The following SNTG2 variants were observed in gnomAD, a reference collection of about 807,000 sequenced individuals.
SNTG2 encodes gamma-2-syntrophin.
A neutral mutation model predicts 70.9 loss-of-function variants in SNTG2; 74 were observed. The ratio of observed to expected loss-of-function variants is 1.04; its 90% confidence interval spans 0.86 to 1.27. The LOEUF (loss-of-function observed/expected upper bound fraction) is 1.27, where lower values mean the gene tolerates loss of function less well. Ranked by LOEUF, SNTG2 falls within the 50% of genes most tolerant of loss-of-function variation. The pLI, the probability that SNTG2 is intolerant of heterozygous loss-of-function variation, is 0.00. For missense variants in SNTG2, 717 were observed against 690.7 expected (o/e 1.04, Z -0.43); for synonymous variants, 278 against 273.8 (o/e 1.02, Z -0.15).
At chr2:1,235,165 G>A (rs1426266493) in intron 9 of SNTG2, among the ~76,000 whole-genome samples, 7 of 150,836 alleles carry the variant, frequency 4.6e-5, no homozygotes, top group Admixed American at 1.3e-4. Context: ...ATTCATGAGA[G>A]GGGGCGCCCC....
chr2:1,273,496 G>A (rs1214616681), intron 14 of SNTG2, among the ~76,000 whole-genome samples: 5 of 152,140 alleles, frequency 3.3e-5, no homozygotes, highest in South Asian at 4.2e-4. Flanking sequence ...GACAAGCACA[G>A]CCAAAAAGAG....
chr2:1,011,397 CTAAATAAATATG>C (rs1659724958), intron 1 of SNTG2, among the ~76,000 whole-genome samples: 1 of 152,170 alleles, frequency 6.6e-6, no homozygotes, highest in Non-Finnish European at 1.5e-5. Flanking sequence ...AAAAATCCCA[CTAAATAAATATG>C]ATAACACCAT....
intron 4 of SNTG2, among the ~76,000 whole-genome samples, chr2:1,129,279 C>T (rs769822942): frequency 5.2e-4 from 79 of 152,344 alleles, no homozygotes; most frequent in Middle Eastern, 3.4e-3. Context: ...TAGAAAGTCA[C>T]TGGCCTTTAC....
intron 14 of SNTG2, among the ~76,000 whole-genome samples, chr2:1,307,001 C>T (rs1251653168): frequency 1.3e-5 from 2 of 149,976 alleles, no homozygotes; most frequent in Non-Finnish European, 3.0e-5. Context: ...GAGAGTCATG[C>T]ACTGTGTGTG....
chr2:981,392 G>A (rs1056630640), intron 1 of SNTG2, among the ~76,000 whole-genome samples: 7 of 151,788 alleles, frequency 4.6e-5, no homozygotes, highest in African/African-American at 1.5e-4. Flanking sequence ...GTATACAAAC[G>A]CATGCATGTG....
chr2:1,346,735 G>A (rs932973463), intron 16 of SNTG2, among the ~76,000 whole-genome samples: 1 of 152,176 alleles, frequency 6.6e-6, no homozygotes, highest in Non-Finnish European at 1.5e-5. Context: ...TACATTTCAG[G>A]CTGACAGAAT....
At chr2:1,243,635 G>A (rs183912756) in intron 11 of SNTG2, among the ~76,000 whole-genome samples, 6 of 152,178 alleles carry the variant, frequency 3.9e-5, no homozygotes, top group East Asian at 3.9e-4. Context: ...TGAGTGTTAC[G>A]GCCGTTAGAT....
intron 1 of SNTG2, among the ~76,000 whole-genome samples, chr2:1,079,510 A>G (rs1454494985): frequency 1.3e-5 from 2 of 152,232 alleles, no homozygotes; most frequent in East Asian, 3.8e-4. Flanking sequence ...AGATGGCATC[A>G]TCTGGTTCGC....
At chr2:1,142,814 G>C (rs1055865752) in intron 6 of SNTG2, among the ~76,000 whole-genome samples, 1 of 152,216 alleles carries the variant, frequency 6.6e-6, no homozygotes, top group African/African-American at 2.4e-5. Flanking sequence ...TAATCCAACA[G>C]AGGATTCTAC....
At chr2:965,213 ATCCTCCTCCTGGTCCCCAG>A (rs1660503391) in intron 1 of SNTG2, among the ~76,000 whole-genome samples, 1 of 64,174 alleles carries the variant, frequency 1.6e-5, no homozygotes, top group African/African-American at 4.8e-5. Context: ...CTGGTCCCCA[ATCCTCCTCCTGGTCCCCAG>A]TCCTCCTCCT....
chr2:1,303,233 G>T (rs1680534166), intron 14 of SNTG2, among the ~76,000 whole-genome samples: 2 of 152,184 alleles, frequency 1.3e-5, no homozygotes, highest in African/African-American at 4.8e-5. Flanking sequence ...AGCAGGATCA[G>T]CCATATCTGG....
Position 1,346,868 on chromosome 2 carries a change from G to C in SNTG2, c.1489-20475G>C, listed in dbSNP as rs71440648. 4.9e-3 allele frequency among the ~76,000 whole-genome samples: 742 copies of C among 152,222 alleles called. 3 individuals are homozygous for C. Among genetic ancestry groups the C allele is most frequent in the Non-Finnish European group, 8.4e-3 (572 of 68,010 alleles). ...TTTGGGGATTCTTTAGCTGGCAGTT[G>C]GTTGAAAGAGCTAAGCTTTGTCTAA... On this transcript the variant is annotated intron_variant, in intron 16 of 16. Transcript: ENST00000308624.
chr2:1,137,003 C>G (rs1292205953), intron 4 of SNTG2, among the ~76,000 whole-genome samples: 1 of 152,198 alleles, frequency 6.6e-6, no homozygotes, highest in African/African-American at 2.4e-5. Context: ...TTTCCATATC[C>G]TGTAATGAAA....
intron 8 of SNTG2, among the ~76,000 whole-genome samples, chr2:1,197,623 A>C (rs1178727760): frequency 6.6e-6 from 1 of 151,240 alleles, no homozygotes. Flanking sequence ...TGCAGCTTCA[A>C]CCTTCCTGGG....
intron 4 of SNTG2, among the ~76,000 whole-genome samples, chr2:1,109,825 A>G (rs1666321829): frequency 6.6e-6 from 1 of 152,244 alleles, no homozygotes; most frequent in African/African-American, 2.4e-5. Flanking sequence ...TCGGGAGACA[A>G]ATGGGACAAT....
chr2:1,249,597 T>G (rs912828083), intron 12 of SNTG2, among the ~76,000 whole-genome samples: 1 of 152,220 alleles, frequency 6.6e-6, no homozygotes, highest in African/African-American at 2.4e-5. Flanking sequence ...TCTCATAATT[T>G]GTTTGAAACT....
intron 1 of SNTG2, among the ~76,000 whole-genome samples, chr2:1,049,301 T>G (rs1418054260): frequency 6.6e-6 from 1 of 152,174 alleles, no homozygotes; most frequent in Non-Finnish European, 1.5e-5. Flanking sequence ...CTAAAATTCC[T>G]CTGTGCTCCA....
At chr2:954,326 A>G (rs919077662) in intron 1 of SNTG2, among the ~76,000 whole-genome samples, 1 of 152,180 alleles carries the variant, frequency 6.6e-6, no homozygotes, top group African/African-American at 2.4e-5. Context: ...TCCGAAGGTC[A>G]CTTTGTATCT....
intron 1 of SNTG2, among the ~76,000 whole-genome samples, chr2:1,047,549 GT>G (rs1325604325): frequency 2.6e-5 from 4 of 152,206 alleles, no homozygotes; most frequent in Non-Finnish European, 5.9e-5. Flanking sequence ...ATTTCTGGAT[GT>G]TTTCAGAGGG....
Sources: allele counts gnomAD v4.1 joint callset (sites outside exome capture counted in the v4.1 genomes callset), GRCh38; gene constraint gnomAD v4.1.1; transcripts MANE v1.5; gene names NCBI Gene and HGNC (gene_info 2026-07-23, HGNC 2026-07-21).